The following CADM2 variants were observed in gnomAD, a reference collection of about 807,000 sequenced individuals.
CADM2 encodes cell adhesion molecule 2.
A neutral mutation model predicts 49.8 loss-of-function variants in CADM2; 12 were observed. The ratio of observed to expected loss-of-function variants is 0.24; its 90% CI spans 0.15 to 0.39. CADM2 has a LOEUF of 0.39. CADM2 is among the 10% of genes least tolerant of loss of function. CADM2 has a pLI of 1.00. For missense variants in CADM2, 378 were observed against 492.3 expected (o/e 0.77, Z 2.20); for synonymous variants, 214 against 175.4 (o/e 1.22, Z -1.74).
At chr3:85,625,541 G>A (rs907202195) in intron 1 of CADM2, among the ~76,000 whole-genome samples, 1 of 150,834 alleles carries the variant, frequency 6.6e-6, no homozygotes, top group African/African-American at 2.4e-5. Flanking sequence ...AAGTACTTAT[G>A]CACTCTTTCA....
At chr3:85,262,157 C>G (rs1335196639) in intron 1 of CADM2, among the ~76,000 whole-genome samples, 1 of 151,946 alleles carries the variant, frequency 6.6e-6, no homozygotes, top group Non-Finnish European at 1.5e-5. Flanking sequence ...GATATTAAAC[C>G]ATATTAAATT....
chr3:85,951,498 G>A (rs946101831), intron 7 of CADM2, among the ~76,000 whole-genome samples: 1 of 150,852 alleles, frequency 6.6e-6, no homozygotes, highest in Non-Finnish European at 1.5e-5. Flanking sequence ...ACAAATGAGG[G>A]TACTAACTAT....
At chr3:85,401,459 G>T (rs1358572083) in intron 1 of CADM2, among the ~76,000 whole-genome samples, 1 of 152,102 alleles carries the variant, frequency 6.6e-6, no homozygotes, top group East Asian at 1.9e-4. Flanking sequence ...ACCCATCCCA[G>T]CGGAAACTTG....
intron 1 of CADM2, among the ~76,000 whole-genome samples, chr3:85,505,663 A>G (rs949174561): frequency 9.2e-5 from 14 of 152,216 alleles, no homozygotes; most frequent in African/African-American, 3.1e-4. Flanking sequence ...CATATGTTAG[A>G]GATATATTAC....
At chr3:85,648,589 G>A (rs976911461) in intron 1 of CADM2, among the ~76,000 whole-genome samples, 41 of 151,996 alleles carry the variant, frequency 2.7e-4, no homozygotes, top group African/African-American at 8.4e-4. Context: ...ATTATGTGGG[G>A]CATATAACTT....
At chr3:86,043,212 G>A (rs1438507874) in intron 8 of CADM2, among the ~76,000 whole-genome samples, 3 of 152,176 alleles carry the variant, frequency 2.0e-5, no homozygotes, top group Non-Finnish European at 4.4e-5. Flanking sequence ...TCAACATAGT[G>A]TTGGAAGTTC....
At chr3:85,549,743 C>A (rs1375758932) in intron 1 of CADM2, among the ~76,000 whole-genome samples, 2 of 151,956 alleles carry the variant, frequency 1.3e-5, no homozygotes, top group African/African-American at 2.4e-5. Flanking sequence ...CCTGCTTCAG[C>A]CTCCCAAGTA....
intron 1 of CADM2, among the ~76,000 whole-genome samples, chr3:85,618,676 T>C (rs1264772281): frequency 2.6e-5 from 4 of 152,078 alleles, no homozygotes; most frequent in Admixed American, 2.0e-4. Flanking sequence ...GAGAGTATAA[T>C]ACACATATTA....
At chr3:85,083,022 A>G (rs1324426697) in intron 1 of CADM2, among the ~76,000 whole-genome samples, 1 of 152,104 alleles carries the variant, frequency 6.6e-6, no homozygotes, top group Non-Finnish European at 1.5e-5. Flanking sequence ...TATTTGGTTG[A>G]TTTTAGCCAT....
intron 1 of CADM2, among the ~76,000 whole-genome samples, chr3:85,067,291 GTGTT>G (rs764337834): frequency 6.6e-6 from 1 of 151,972 alleles, no homozygotes; most frequent in Non-Finnish European, 1.5e-5. Context: ...GTGTGTGTGT[GTGTT>G]TGTGTGTGTG....
intron 8 of CADM2, among the ~76,000 whole-genome samples, chr3:86,018,212 A>G (rs1240198862): frequency 3.0e-4 from 37 of 122,468 alleles, no homozygotes; most frequent in Middle Eastern, 3.7e-3. Context: ...TGAACTCATC[A>G]TTTTTTATGG....
chr3:85,178,864 A>G (rs1420019764), intron 1 of CADM2, among the ~76,000 whole-genome samples: 2 of 151,828 alleles, frequency 1.3e-5, no homozygotes, highest in Admixed American at 1.3e-4. Context: ...AAAAGCTTCA[A>G]TAACTTTACT....
At chr3:85,734,251 A>G (rs2068043948) in intron 2 of CADM2, among the ~76,000 whole-genome samples, 2 of 152,054 alleles carry the variant, frequency 1.3e-5, no homozygotes, top group African/African-American at 4.8e-5. Context: ...TTGATCTTCA[A>G]TCAAGCATCA....
chr3:85,556,491 C>T (rs2061962709), intron 1 of CADM2, among the ~76,000 whole-genome samples: 2 of 152,044 alleles, frequency 1.3e-5, no homozygotes, highest in East Asian at 3.9e-4. Flanking sequence ...CATAGTTTAC[C>T]TTAGATAATG....
intron 4 of CADM2, 60 bp downstream of exon 4, chr3:85,883,503 G>A (rs1577559119): frequency 7.3e-7 from 1 of 1,376,528 alleles, no homozygotes; most frequent in Non-Finnish European, 9.9e-7. Context: ...TATTGCTACA[G>A]CAACATAATT....
intron 3 of CADM2, among the ~76,000 whole-genome samples, chr3:85,825,628 T>C (rs1174573332): frequency 6.6e-6 from 1 of 152,050 alleles, no homozygotes; most frequent in Non-Finnish European, 1.5e-5. Flanking sequence ...GTAACAAAAT[T>C]ATTCTCTGAA....
chr3:85,873,332 T>C (rs1018377239), intron 3 of CADM2, among the ~76,000 whole-genome samples: 15 of 152,158 alleles, frequency 9.9e-5, no homozygotes, highest in Non-Finnish European at 2.1e-4. Flanking sequence ...AAATAAATCA[T>C]TTAAAGAAAG....
intron 1 of CADM2, among the ~76,000 whole-genome samples, chr3:85,630,572 T>G (rs2064278045): frequency 6.6e-6 from 1 of 152,062 alleles, no homozygotes; most frequent in Non-Finnish European, 1.5e-5. Context: ...TCAGAAGGAA[T>G]GAGATGAAGT....
chr3:85,319,231 CAA>C (rs1458017303), intron 1 of CADM2, among the ~76,000 whole-genome samples: 8 of 152,052 alleles, frequency 5.3e-5, no homozygotes, highest in African/African-American at 1.9e-4. Flanking sequence ...TTATGTTAAT[CAA>C]AGTCACAATG....
Sources: gnomAD v4.1 joint callset for allele counts (sites outside exome capture counted in the v4.1 genomes callset) on GRCh38, gnomAD v4.1.1 for gene constraint, MANE v1.5 for transcripts, NCBI Gene and HGNC (gene_info 2026-07-23, HGNC 2026-07-21) for gene names.